LAMC3: variants seen among roughly 807,000 people sequenced by gnomAD.
The protein encoded by LAMC3 is laminin subunit gamma-3.
A neutral mutation model predicts 173.8 loss-of-function variants in LAMC3; 128 were observed. That is an observed-to-expected ratio of 0.74 (90% CI 0.64 to 0.85). The LOEUF (loss-of-function observed/expected upper bound fraction) is 0.85, where lower values mean the gene tolerates loss of function less well. LAMC3 is among the 40% of genes least tolerant of loss of function. LAMC3 has a pLI of 0.00. For missense variants in LAMC3, 2,022 were observed against 2,156.0 expected, an observed-to-expected ratio of 0.94 and a Z score of 1.23; for synonymous variants, 897 against 909.1, an observed-to-expected ratio of 0.99 and a Z score of 0.24.
intron 15 of LAMC3, 47 bp from the exon 16 acceptor site, chr9:131,068,861 G>A (rs761283901): frequency 1.7e-5 from 27 of 1,609,770 alleles, no homozygotes; most frequent in Non-Finnish European, 2.3e-5. Context: ...GCTGGGCCAG[G>A]AGTGGCCCTG....
rs145980204 is a variant in LAMC3, at chr9:131,091,599, C to T, written c.4540C>T (p.Arg1514Cys). The change falls in exon 28 of 28, where the codon CGC (arginine) becomes TGC (cysteine). Residue 1514 changes from arginine (R) to cysteine (C), a missense_variant. Physicochemically the swap from Arg to Cys is radical, Grantham distance 180. Coordinates refer to ENST00000361069, the MANE Select transcript of LAMC3 (RefSeq NM_006059.4). Reference protein sequence around the residue: ...ALNETQWALERLRLQLGSPGS... With the variant: ...ALNETQWALECLRLQLGSPGS... The stretch of plus-strand genomic sequence containing the variant: ...GAACGAGACTCAGTGGGCACTAGAA[C>T]GCCTGAGGCTGCAGCTGGGCTCCCC... The T allele has an allele frequency of 6.8e-5, 108 of 1,592,872 alleles. 1 individual carries two copies. Among genetic ancestry groups the T allele is most frequent in the South Asian group, 1.4e-4 (12 of 88,004 alleles).
intron 22 of LAMC3, among the ~76,000 whole-genome samples, chr9:131,077,660 G>C (rs1830155648): frequency 1.9e-5 from 2 of 105,778 alleles, no homozygotes; most frequent in South Asian, 6.6e-4. Flanking sequence ...CTGGGCGACA[G>C]AGCAAGACTC....
intron 1 of LAMC3, among the ~76,000 whole-genome samples, chr9:131,013,811 G>A (rs1248701522): frequency 6.6e-6 from 1 of 152,108 alleles, no homozygotes; most frequent in Non-Finnish European, 1.5e-5. Context: ...CGAGGAGCCG[G>A]GTCCCAGGGT....
At chr9:131,077,068 C>A in intron 21 of LAMC3, 119 bp from the exon 22 acceptor site, 10 of 1,344,190 alleles carry the variant, frequency 7.4e-6, no homozygotes, top group Non-Finnish European at 1.1e-5. Context: ...CCGCAGAGGG[C>A]TATTCTGCCT....
intron 27 of LAMC3, among the ~76,000 whole-genome samples, chr9:131,089,462 C>T (rs1486462324): frequency 6.6e-6 from 1 of 151,930 alleles, no homozygotes; most frequent in Non-Finnish European, 1.5e-5. Flanking sequence ...ACTGCAGCCT[C>T]AAACTCCTGG....
chr9:131,077,162 C>T (rs759539247), intron 21 of LAMC3, 25 bp from the exon 22 acceptor site: 3 of 1,612,254 alleles, frequency 1.9e-6, no homozygotes, highest in Admixed American at 1.7e-5. Context: ...CTGCACCCAG[C>T]TCCGTGGCCT....
chr9:131,038,396 A>G (rs1833983250), intron 4 of LAMC3, among the ~76,000 whole-genome samples: 1 of 152,230 alleles, frequency 6.6e-6, no homozygotes, highest in Non-Finnish European at 1.5e-5. Flanking sequence ...CCAGTCCTGC[A>G]CACAGACTTT....
intron 4 of LAMC3, among the ~76,000 whole-genome samples, chr9:131,036,889 C>A (rs967027843): frequency 2.0e-5 from 3 of 152,246 alleles, no homozygotes; most frequent in Non-Finnish European, 2.9e-5. Flanking sequence ...ACCCTGTCCC[C>A]AGACAGCCTG....
chr9:131,072,692 G>A lies in LAMC3; in HGVS notation c.3274G>A (p.Glu1092Lys). The stretch of plus-strand genomic sequence containing the variant: ...CGAGGGTGCTGTCAAGGCCGCCCGG[G>A]AGCAGCTGCAGAGGCTGAACAAGGG... Reference protein sequence around the residue: ...SLEGAVKAAREQLQRLNKGAR... With the variant: ...SLEGAVKAARKQLQRLNKGAR... Residue 1092 changes from glutamate to lysine, a missense_variant, in exon 19 of 28, where the codon GAG becomes AAG. Transcript: ENST00000361069. 1 of 1,612,044 alleles carries A rather than the reference G, an allele frequency of 6.2e-7. No homozygotes were observed. Among genetic ancestry groups the A allele is most frequent in the East Asian group, 2.2e-5 (1 of 44,874 alleles).
chr9:131,018,233 C>T lies in LAMC3; in HGVS notation c.374-8052C>T, dbSNP rs186387696. Reference sequence around the variant, plus strand: ...CACTGCAACCTCTGCCTCCTACGTTCGAGCGATTCTCATGCCTCAGCCTCC... The same window carrying T: ...CACTGCAACCTCTGCCTCCTACGTTTGAGCGATTCTCATGCCTCAGCCTCC... On this transcript the variant is annotated intron_variant, in intron 1 of 27. Coordinates refer to ENST00000361069, the MANE Select transcript of LAMC3 (RefSeq NM_006059.4). Among the ~76,000 whole-genome samples, 851 of 150,586 alleles carry T rather than the reference C, an allele frequency of 5.7e-3. 9 individuals are homozygous for T. Among genetic ancestry groups the T allele is most frequent in the African/African-American group, 0.02 (808 of 41,006 alleles).
At chr9:131,028,580 A>C (rs1564366681) in intron 2 of LAMC3, among the ~76,000 whole-genome samples, 1 of 152,188 alleles carries the variant, frequency 6.6e-6, no homozygotes, top group East Asian at 1.9e-4. Flanking sequence ...GTGGTTCGCT[A>C]TAAGGACTCA....
At position 131,075,868 on chromosome 9, in the gene LAMC3, T is replaced by G. The variant is rs1294485799; in HGVS notation, c.3532T>G (p.Trp1178Gly). ...DTATKIAATA[W>G]RALLASNTSY... ...CGCCACCAAGATCGCAGCCACTGCT[T>G]GGAGGGCCCTGCTCGCCTCCAACAC... Residue 1178 changes from tryptophan to glycine, a missense_variant, in exon 21 of 28, where the codon TGG (tryptophan) becomes GGG (glycine). Trp to Gly is a radical substitution (Grantham distance 184). Transcript: ENST00000361069. 6.2e-7 allele frequency: 1 copy of G among 1,612,042 alleles called. No individual in the cohort carries two copies. Among genetic ancestry groups the G allele is most frequent in the Admixed American group, 1.7e-5 (1 of 59,926 alleles).
In LAMC3 at chr9:131,091,052, A is replaced by C. The variant is rs144554600; in HGVS notation, c.4478-485A>C. Among the ~76,000 whole-genome samples the C allele has an allele frequency of 1.2e-3, 180 of 152,186 alleles. 1 individual carries two copies. The highest frequency in any genetic ancestry group is 3.8e-3 in the African/African-American group (156 of 41,538). Reference sequence around the variant, plus strand: ...TAAATAAATGCATCCATCCATCCATACATACATACAAAAATTAGCTGGGCA... The same window carrying C: ...TAAATAAATGCATCCATCCATCCATCCATACATACAAAAATTAGCTGGGCA... On this transcript the variant is annotated intron_variant, in intron 27 of 27. Transcript: ENST00000361069.
rs1043038832 is a variant in LAMC3 at position 131,091,871 on chromosome 9, A to G, written c.*84A>G. 2 of 1,525,406 alleles carry G rather than the reference A, an allele frequency of 1.3e-6. No homozygotes were observed. Among genetic ancestry groups the G allele is most frequent in the Non-Finnish European group, 1.8e-6 (2 of 1,121,294 alleles). The allele number at this position is 1,525,406 out of a possible 1,614,324, so 94.5% of individuals were successfully genotyped here. ...TGCACACTACCCCACAGGTGTGCCC[A>G]TACAGACATTCCCCGGAGCCGGCTG... On this transcript the variant is annotated 3_prime_UTR_variant, in exon 28 of 28. Transcript: ENST00000361069.
At chr9:131,049,529 G>T (rs1834241288) in intron 9 of LAMC3, among the ~76,000 whole-genome samples, 1 of 152,124 alleles carries the variant, frequency 6.6e-6, no homozygotes, top group South Asian at 2.1e-4. Flanking sequence ...CCTACCTCAG[G>T]TCAGCTGATT....
In LAMC3 at chr9:131,069,763, TGACCGCTGCCAC is replaced by T. The variant is rs1830008531; in HGVS notation, c.2986_2997del (p.Arg996_Asp999del). 1.9e-6 allele frequency: 3 copies of T among 1,597,408 alleles called. No homozygotes were observed. The East Asian group carries it at 6.8e-5, about 36-fold the overall frequency. ...GGCCTGGCTTCGAGGGCTACAAATGTGACCGCTGCCACGACAACTTCTTCCTCACGGCAGACG... is the reference window on the plus strand; with the variant it reads ...GGCCTGGCTTCGAGGGCTACAAATGTGACAACTTCTTCCTCACGGCAGACG... On this transcript the variant is annotated inframe_deletion, in exon 17 of 28. Transcript: ENST00000361069.
intron 13 of LAMC3, among the ~76,000 whole-genome samples, chr9:131,063,087 G>C (rs1588158657): frequency 6.6e-6 from 1 of 152,140 alleles, no homozygotes; most frequent in African/African-American, 2.4e-5. Flanking sequence ...TGGTACGTGT[G>C]GCTGCATTAA....
intron 13 of LAMC3, among the ~76,000 whole-genome samples, chr9:131,061,680 A>G (rs949845345): frequency 6.6e-6 from 1 of 152,188 alleles, no homozygotes; most frequent in Admixed American, 6.5e-5. Flanking sequence ...GGACTCAGAC[A>G]TCCTCGACTC....
intron 20 of LAMC3, among the ~76,000 whole-genome samples, chr9:131,075,431 G>A (rs1830106048): frequency 6.6e-6 from 1 of 151,856 alleles, no homozygotes; most frequent in Admixed American, 6.6e-5. Flanking sequence ...AAATTAACTG[G>A]TGCACACTTG....
Sources: allele counts gnomAD v4.1 joint callset (sites outside exome capture counted in the v4.1 genomes callset), GRCh38; gene constraint gnomAD v4.1.1; transcripts MANE v1.5; gene names NCBI Gene and HGNC (gene_info 2026-07-23, HGNC 2026-07-21).